The following DRGX variants were observed in gnomAD, a reference collection of about 807,000 sequenced individuals.
DRGX encodes dorsal root ganglia homeobox protein.
DRGX carries 21 observed loss-of-function variants against 28.6 expected under a neutral mutation model. That is an observed-to-expected ratio of 0.73 (90% CI 0.52 to 1.06). DRGX has a LOEUF of 1.06. Among genes scored for constraint, DRGX ranks in the 50% least tolerant of loss-of-function variants. The pLI, the probability that DRGX is intolerant of heterozygous loss-of-function variation, is 0.00. For synonymous variants in DRGX, 136 were observed against 139.1 expected (o/e 0.98, Z 0.16); for missense variants, 354 against 343.9 (o/e 1.03, Z -0.23).
At position 49,390,176 on chromosome 10, in the gene DRGX, T is replaced by A; in HGVS notation, c.191A>T (p.Glu64Val). 6.2e-7 allele frequency: 1 copy of A among 1,613,272 alleles called. No homozygotes were observed. The highest frequency in any genetic ancestry group is 8.5e-7 in the Non-Finnish European group (1 of 1,179,662). The change falls in exon 4 of 7, where the codon GAA becomes GTA. Residue 64 changes from glutamate (E) to valine (V), a missense_variant. Coordinates refer to ENST00000374139, the MANE Select transcript of DRGX (RefSeq NM_001276451.2). ...GAGGTTTATTTTCATGGCGAGCTCT[T>A]CTCTGGTGAAGACATCTGGATAGTG... is the stretch of plus-strand genomic sequence containing the variant. ...QTHYPDVFTR[E>V]ELAMKINLTE...
At chr10:49,378,679 G>C (rs1480741041) in intron 6 of DRGX, among the ~76,000 whole-genome samples, 1 of 152,134 alleles carries the variant, frequency 6.6e-6, no homozygotes, top group Admixed American at 6.5e-5. Context: ...GCAAGAAAAA[G>C]AAATTGAAAA....
chr10:49,376,475 C>T (rs531763590), intron 6 of DRGX, among the ~76,000 whole-genome samples: 23 of 152,296 alleles, frequency 1.5e-4, no homozygotes, highest in Middle Eastern at 3.4e-3. Context: ...GCACTGGGTA[C>T]TGGGAGACTC....
At position 49,392,385 on chromosome 10, in the gene DRGX, T is replaced by C. The variant is rs375252084; in HGVS notation, c.35-1124A>G. On this transcript the variant is annotated intron_variant, in intron 2 of 6. Coordinates refer to ENST00000374139, the MANE Select transcript of DRGX (RefSeq NM_001276451.2). ...GGGCCACATCCTTTGCCAAACACCC[T>C]GACTCTCTGCTAAAGCGTTCTCCTT... is the stretch of plus-strand genomic sequence containing the variant. Among the ~76,000 whole-genome samples the C allele has an allele frequency of 8.0e-4, 122 of 152,386 alleles. 3 individuals carry two copies. In the South Asian group the frequency reaches 0.024, roughly 30 times the overall value.
chr10:49,385,159 G>C (rs1849817629), intron 6 of DRGX, among the ~76,000 whole-genome samples: 1 of 152,228 alleles, frequency 6.6e-6, no homozygotes, highest in South Asian at 2.1e-4. Flanking sequence ...GTTGGGGAGT[G>C]GGGGGCTTCT....
chr10:49,390,275 C>G, intron 3 of DRGX, 41 bp from the exon 4 acceptor site: 1 of 1,542,644 alleles, frequency 6.5e-7, no homozygotes, highest in Non-Finnish European at 8.8e-7. Context: ...GAGGCTGTGG[C>G]TAGGTGAGGG....
intron 6 of DRGX, among the ~76,000 whole-genome samples, chr10:49,372,892 C>A (rs1331666872): frequency 2.0e-5 from 3 of 152,130 alleles, no homozygotes; most frequent in Non-Finnish European, 4.4e-5. Context: ...AAGAGTAAGC[C>A]AAACAAACTT....
At chr10:49,391,632 C>A (rs1247868994) in intron 2 of DRGX, among the ~76,000 whole-genome samples, 1 of 152,112 alleles carries the variant, frequency 6.6e-6, no homozygotes, top group African/African-American at 2.4e-5. Context: ...CACCCCTACT[C>A]CAGATCCTTT....
chr10:49,390,440 A>C (rs886216156), intron 3 of DRGX, among the ~76,000 whole-genome samples: 1 of 152,222 alleles, frequency 6.6e-6, no homozygotes, highest in African/African-American at 2.4e-5. Flanking sequence ...CTTACTAGCA[A>C]CCTCAGTGCT....
chr10:49,386,711 T>C lies in DRGX; in HGVS notation c.382A>G (p.Ser128Gly). 1.3e-6 allele frequency: 2 copies of C among 1,592,212 alleles called. No individual in the cohort carries two copies. The highest frequency in any genetic ancestry group is 1.7e-6 in the Non-Finnish European group (2 of 1,170,382). The change falls in exon 5 of 7, where the codon AGT (serine) becomes GGT (glycine). Residue 128 changes from serine (S) to glycine (G), a missense_variant. Coordinates refer to ENST00000374139, the MANE Select transcript of DRGX (RefSeq NM_001276451.2). ...NSPPPGDQAR[S>G]KKEALEAQQS... The stretch of plus-strand genomic sequence containing the variant: ...TGGGCCTCCAGCGCCTCCTTCTTAC[T>C]CCGGGCTTGGTCCCCAGGGGGCGGG...
chr10:49,391,188 G>C lies in DRGX; in HGVS notation c.108C>G (p.Asn36Lys). The C allele has an allele frequency of 3.1e-6, 5 of 1,613,366 alleles. No homozygotes were observed. In the South Asian group the frequency reaches 5.5e-5, roughly 18 times the overall value. ...DGFLRRKQRRNRTTFTLQQLE... is the reference protein window; with the variant it reads ...DGFLRRKQRRKRTTFTLQQLE... The stretch of plus-strand genomic sequence containing the variant: ...CCTGCTGAAGAGTGAACGTCGTCCG[G>C]TTCCGGCGCTGTTTTCTACGCAGAA... The change falls in exon 3 of 7, where the codon AAC becomes AAG. Residue 36 changes from asparagine (N) to lysine (K), a missense_variant. Coordinates refer to ENST00000374139, the MANE Select transcript of DRGX (RefSeq NM_001276451.2).
At chr10:49,373,357 T>C (rs1849681007) in intron 6 of DRGX, among the ~76,000 whole-genome samples, 1 of 152,158 alleles carries the variant, frequency 6.6e-6, no homozygotes, top group African/African-American at 2.4e-5. Flanking sequence ...AAATAAACAA[T>C]AAGTCATCAG....
intron 3 of DRGX, 106 bp from the exon 4 acceptor site, chr10:49,390,340 A>T: frequency 1.0e-6 from 1 of 958,596 alleles, no homozygotes; most frequent in South Asian, 1.7e-5. Flanking sequence ...AGTTTCACAG[A>T]TTAAATCGAG....
chr10:49,388,305 A>G (rs1849862060), intron 4 of DRGX, among the ~76,000 whole-genome samples: 1 of 152,152 alleles, frequency 6.6e-6, no homozygotes, highest in Admixed American at 6.6e-5. Flanking sequence ...AAGAAAAAAG[A>G]AATGCTTGGC....
rs769027545 is a variant in DRGX, at chr10:49,366,205, C to T, written c.703G>A (p.Gly235Ser). Residue 235 changes from glycine (G) to serine (S), a missense_variant, in exon 7 of 7, where the codon GGC becomes AGC. By Grantham distance (56) the Gly-to-Ser change is moderately conservative. Transcript: ENST00000374139. ...NLLPSTSSSP[G>S]PVAKPAPPDG... Reference sequence around the variant, plus strand: ...GGGGGCGCCGGCTTGGCGACAGGGCCGGGGCTGCTGCTGGTGGAAGGCAGG... The same window carrying T: ...GGGGGCGCCGGCTTGGCGACAGGGCTGGGGCTGCTGCTGGTGGAAGGCAGG... 22 of 1,613,494 alleles carry T rather than the reference C, an allele frequency of 1.4e-5. No individual in the cohort carries two copies. Among genetic ancestry groups the T allele is most frequent in the South Asian group, 1.2e-4 (11 of 91,056 alleles).
At chr10:49,381,768 C>T (rs956149952) in intron 6 of DRGX, among the ~76,000 whole-genome samples, 5 of 152,218 alleles carry the variant, frequency 3.3e-5, no homozygotes, top group Non-Finnish European at 5.9e-5. Context: ...GATCCTCAGT[C>T]ACAGGGGAGC....
At chr10:49,373,827 T>A (rs1048116105) in intron 6 of DRGX, among the ~76,000 whole-genome samples, 1 of 152,208 alleles carries the variant, frequency 6.6e-6, no homozygotes, top group Admixed American at 6.5e-5. Flanking sequence ...TATATGCATG[T>A]AGTGTACATA....
At chr10:49,394,249 T>A (rs1371645138) in intron 2 of DRGX, among the ~76,000 whole-genome samples, 2 of 151,998 alleles carry the variant, frequency 1.3e-5, no homozygotes, top group Non-Finnish European at 2.9e-5. Flanking sequence ...CTTTAGAAAA[T>A]CCTATTGGAC....
At chr10:49,377,826 C>A (rs779253793) in intron 6 of DRGX, among the ~76,000 whole-genome samples, 4 of 152,166 alleles carry the variant, frequency 2.6e-5, no homozygotes, top group African/African-American at 4.8e-5. Context: ...AGAGATAACA[C>A]AACAGTTGCT....
intron 6 of DRGX, among the ~76,000 whole-genome samples, chr10:49,384,519 G>A (rs1256359389): frequency 6.6e-6 from 1 of 152,224 alleles, no homozygotes; most frequent in Non-Finnish European, 1.5e-5. Context: ...TCTCCAGCAA[G>A]GCAGGCATGG....
Sources: gnomAD v4.1 joint callset for allele counts (sites outside exome capture counted in the v4.1 genomes callset) on GRCh38, gnomAD v4.1.1 for gene constraint, MANE v1.5 for transcripts, NCBI Gene and HGNC (gene_info 2026-07-23, HGNC 2026-07-21) for gene names.